ZNF254: variants seen among roughly 807,000 people sequenced by gnomAD.
ZNF254 encodes CTD-2017D11.1.
Under a neutral mutation model 12.4 loss-of-function variants are expected in ZNF254, and 10 were observed. The ratio of observed to expected loss-of-function variants is 0.80; its 90% confidence interval spans 0.50 to 1.36. ZNF254 has a LOEUF of 1.36. ZNF254 is among the 40% of genes most tolerant of loss of function. The pLI is 0.00. For missense variants in ZNF254, 996 were observed against 763.9 expected (o/e 1.30, Z -3.58); for synonymous variants, 305 against 253.4 (o/e 1.20, Z -1.93).
upstream of ZNF254, among the ~76,000 whole-genome samples, chr19:24,083,691 A>G (rs555059932): frequency 9.5e-4 from 144 of 152,322 alleles, 1 homozygote; most frequent in African/African-American, 3.4e-3. Context: ...TTAATTCTCA[A>G]AAGAAGATAT....
rs1006504012 is a variant in ZNF254, at chr19:24,105,002, C to T, written c.31-938C>T. The T allele has an allele frequency of 2.0e-5, 3 of 152,194 alleles. No homozygotes were observed. In the East Asian group the frequency reaches 5.8e-4, roughly 29 times the overall value. 9.4% of individuals were successfully genotyped at this position (152,194 alleles called of 1,614,324 possible). On this transcript the variant is annotated intron_variant, in intron 1 of 3. Transcript: ENST00000357002. ...ACATGAAAGATATCTGTATCTTGAA[C>T]TTCCCATAAAACTGATGTTTTCTTA...
chr19:24,070,221 C>T (rs1031055180), intron 2 of ZNF254, among the ~76,000 whole-genome samples: 5 of 152,222 alleles, frequency 3.3e-5, no homozygotes, highest in African/African-American at 1.2e-4. Flanking sequence ...TCCATACCAT[C>T]ACAAATGTCT....
intron 2 of ZNF254, among the ~76,000 whole-genome samples, chr19:24,062,823 G>T (rs1329029635): frequency 6.6e-6 from 1 of 152,056 alleles, no homozygotes. Context: ...ATTTTGAGAT[G>T]GAGTTTTGCT....
At chr19:24,076,070 CAT>C (rs1162380371) in intron 2 of ZNF254, among the ~76,000 whole-genome samples, 2 of 152,326 alleles carry the variant, frequency 1.3e-5, no homozygotes, top group East Asian at 1.9e-4. Context: ...TTCAAACACA[CAT>C]GTTTTACAAA....
At chr19:24,056,341 A>C (rs551380074) in intron 2 of ZNF254, among the ~76,000 whole-genome samples, 195 of 152,290 alleles carry the variant, frequency 1.3e-3, no homozygotes, top group Non-Finnish European at 2.2e-3. Context: ...TTCATTACCC[A>C]GGTGTTATGA....
chr19:24,084,500 C>G (rs183344736), upstream of ZNF254, among the ~76,000 whole-genome samples: 3 of 151,986 alleles, frequency 2.0e-5, no homozygotes, highest in Admixed American at 1.3e-4. Flanking sequence ...GAAATCACTA[C>G]AAAAGAACTT....
At chr19:24,034,385 G>A (rs752608505) in intron 1 of ZNF254, among the ~76,000 whole-genome samples, 1 of 151,906 alleles carries the variant, frequency 6.6e-6, no homozygotes, top group Non-Finnish European at 1.5e-5. Context: ...GTTGGGGTTG[G>A]CACAAAAATG....
chr19:24,113,057 A>G (rs1432620913), intron 3 of ZNF254, among the ~76,000 whole-genome samples: 2 of 152,230 alleles, frequency 1.3e-5, no homozygotes, highest in African/African-American at 4.8e-5. Context: ...CCAATGAAAA[A>G]GAGTCCTGGA....
intron 2 of ZNF254, among the ~76,000 whole-genome samples, chr19:24,053,455 A>G (rs546596412): frequency 8.9e-4 from 135 of 152,250 alleles, no homozygotes; most frequent in Non-Finnish European, 1.8e-3. Flanking sequence ...CCCAACGTAC[A>G]GATGGGATTG....
chr19:24,120,548 A>G (rs1394610148), intron 3 of ZNF254, among the ~76,000 whole-genome samples: 1 of 152,032 alleles, frequency 6.6e-6, no homozygotes, highest in African/African-American at 2.4e-5. Flanking sequence ...AGATTTCTAC[A>G]TTTGTATATT....
chr19:24,053,521 T>G (rs1303188431), intron 2 of ZNF254, among the ~76,000 whole-genome samples: 1 of 151,904 alleles, frequency 6.6e-6, no homozygotes. Flanking sequence ...CTTGTCTTAG[T>G]GCTTTCCACA....
Position 24,128,463 on chromosome 19 carries a change from G to A in ZNF254, c.*483G>A, listed in dbSNP as rs1975046668. ...ATTTTGAAAAAAACATTACACATAT[G>A]AAGAGGATTGTAATATCTTTACTTG... On this transcript the variant is annotated 3_prime_UTR_variant, in exon 4 of 4. Transcript: ENST00000357002. 1 of 152,504 alleles carries A rather than the reference G, an allele frequency of 6.6e-6. No individual in the cohort carries two copies. Among genetic ancestry groups the A allele is most frequent in the African/African-American group, 2.4e-5 (1 of 41,422 alleles). 9.4% of individuals were successfully genotyped at this position (152,504 alleles called of 1,614,324 possible).
In ZNF254 at chr19:24,127,897, G is replaced by T. The variant is rs144314072; in HGVS notation, c.1897G>T (p.Glu633Ter). 3.1e-6 allele frequency: 5 copies of T among 1,611,826 alleles called. No homozygotes were observed. Among genetic ancestry groups the T allele is most frequent in the Non-Finnish European group, 1.7e-6 (2 of 1,179,188 alleles). Residue 633 changes from glutamate (E) to a stop codon, truncating the protein, a stop_gained, in exon 4 of 4, where the codon GAA becomes TAA. Transcript: ENST00000357002. LOFTEE classifies it low-confidence loss of function (END_TRUNC). The part of the protein sequence containing the change: ...IHTGEQPYKW[E>*]KFGKAFNRSS... Reference sequence around the variant, plus strand: ...TACTGGAGAGCAACCCTACAAATGGGAAAAATTTGGCAAAGCCTTTAATCG... The same window carrying T: ...TACTGGAGAGCAACCCTACAAATGGTAAAAATTTGGCAAAGCCTTTAATCG...
At chr19:24,040,056 T>C (rs1357061234) in intron 1 of ZNF254, among the ~76,000 whole-genome samples, 2 of 152,096 alleles carry the variant, frequency 1.3e-5, no homozygotes, top group South Asian at 2.1e-4. Flanking sequence ...TTAGAAAAGA[T>C]AGAACACAAA....
chr19:24,090,395 A>G (rs986235374), intron 1 of ZNF254, among the ~76,000 whole-genome samples: 2 of 152,080 alleles, frequency 1.3e-5, no homozygotes, highest in African/African-American at 2.4e-5. Context: ...TGATTAAGAC[A>G]TATCTGTGTC....
chr19:24,119,241 G>A (rs1974317334), intron 3 of ZNF254, among the ~76,000 whole-genome samples: 1 of 151,918 alleles, frequency 6.6e-6, no homozygotes, highest in Non-Finnish European at 1.5e-5. Flanking sequence ...ACCCAGGCCA[G>A]AGTGCAGTGA....
chr19:24,073,008 T>A (rs957521502), intron 2 of ZNF254, among the ~76,000 whole-genome samples: 7 of 152,218 alleles, frequency 4.6e-5, no homozygotes, highest in African/African-American at 1.2e-4. Context: ...TACTGGCACT[T>A]GTAACTATAC....
chr19:24,076,935 A>C (rs936778449), intron 2 of ZNF254, among the ~76,000 whole-genome samples: 7 of 152,204 alleles, frequency 4.6e-5, no homozygotes, highest in Admixed American at 3.9e-4. Context: ...ATAGCTACAC[A>C]GATAAAAAGC....
At chr19:24,086,835 C>T (rs1308779872), upstream of ZNF254, among the ~76,000 whole-genome samples, 1 of 152,112 alleles carries the variant, frequency 6.6e-6, no homozygotes, top group Admixed American at 6.5e-5. Context: ...TACATTATTA[C>T]TAAAGTAAAA....
Sources: gnomAD v4.1 joint callset for allele counts (sites outside exome capture counted in the v4.1 genomes callset) on GRCh38, gnomAD v4.1.1 for gene constraint, MANE v1.5 for transcripts, NCBI Gene and HGNC (gene_info 2026-07-23, HGNC 2026-07-21) for gene names.